The following C2CD4D variants were observed in gnomAD, a reference collection of about 807,000 sequenced individuals.
C2CD4D encodes C2 calcium dependent domain containing 4D.
C2CD4D carries 1 observed loss-of-function variant against 0.2 expected under a neutral mutation model. That is an observed-to-expected ratio of 4.00 (90% CI 1.42 to 18.99). The LOEUF (loss-of-function observed/expected upper bound fraction) is 18.99, where lower values mean the gene tolerates loss of function less well. Among genes scored for constraint, C2CD4D ranks in the 30% most tolerant of loss-of-function variants. The pLI, the probability that C2CD4D is intolerant of heterozygous loss-of-function variation, is 0.11. For synonymous variants in C2CD4D, 269 were observed against 279.8 expected, an observed-to-expected ratio of 0.96 and a Z score of 0.39; for missense variants, 552 against 551.2, an observed-to-expected ratio of 1.00 and a Z score of -0.01.
At chr1:151,838,298 G>T (rs1173231176) in exon 2 of C2CD4D, 4 of 1,381,392 alleles carry the variant, frequency 2.9e-6, no homozygotes, top group Non-Finnish European at 2.8e-6. Flanking sequence ...CAGCCGCCCG[G>T]GCCCGGCCTG....
chr1:151,838,096 C>T lies in C2CD4D; in HGVS notation c.894G>A (p.Pro298=), dbSNP rs925919228. 2.6e-6 allele frequency: 4 copies of T among 1,545,472 alleles called. No individual in the cohort carries two copies. The African/African-American group carries it at 4.1e-5, about 16-fold the overall frequency. Residue 298 remains proline, a synonymous_variant, in exon 2 of 2, where the codon CCG becomes CCA. Coordinates refer to ENST00000454109, the Ensembl canonical transcript of C2CD4D. ...CTCTCAGGCTGCGGGCGGCCAGGTC[C>T]GGGGGGCCGAGCCCGTCGAAAAAGA...
Position 151,838,647 on chromosome 1 carries a change from C to G in C2CD4D, c.343G>C (p.Ala115Pro), listed in dbSNP as rs1326338451. Residue 115 changes from alanine to proline, a missense_variant, in exon 2 of 2, where the codon GCC becomes CCC. Coordinates refer to ENST00000454109, the Ensembl canonical transcript of C2CD4D. ...GACTGCGCCGCGGGGAGTCCCCCGG[C>G]CGGGGCAGGTGGCGGCCCGTGGAAC... 3 of 1,342,834 alleles carry G rather than the reference C, an allele frequency of 2.2e-6. No individual in the cohort carries two copies. The African/African-American group carries it at 4.6e-5, about 21-fold the overall frequency. The allele number at this position is 1,342,834 out of a possible 1,614,324, so 83.2% of individuals were successfully genotyped here. A position where few individuals can be genotyped will look rare whatever the true frequency, so the allele number is the denominator to read the frequency against.
exon 2 of C2CD4D, chr1:151,838,636 G>A (rs1320374587): frequency 4.5e-6 from 6 of 1,324,112 alleles, no homozygotes; most frequent in Middle Eastern, 2.8e-4. Flanking sequence ...GCGCCGCGGG[G>A]AGTCCCCCGG....
exon 2 of C2CD4D, chr1:151,838,177 C>T (rs1652634825): frequency 6.5e-7 from 1 of 1,550,354 alleles, no homozygotes; most frequent in Non-Finnish European, 8.7e-7. Context: ...TCTGCTGCTC[C>T]CGCGGCCGGA....
At chr1:151,838,196 C>A (rs781075606) in exon 2 of C2CD4D, 1 of 1,549,446 alleles carries the variant, frequency 6.5e-7, no homozygotes, top group South Asian at 1.2e-5. Context: ...GACGCGGGGC[C>A]GCAGCCTCAG....
At chr1:151,838,469 G>A (rs1572054410) in exon 2 of C2CD4D, 9 of 1,395,864 alleles carry the variant, frequency 6.4e-6, no homozygotes, top group Admixed American at 3.3e-5. Context: ...GGCCGAGCTC[G>A]CTTTTTCTGG....
At chr1:151,838,044 G>A (rs1652629639) in exon 2 of C2CD4D, 1 of 1,551,496 alleles carries the variant, frequency 6.4e-7, no homozygotes, top group East Asian at 2.4e-5. Context: ...TCCCTGCGAA[G>A]TCCCGCGCCC....
At chr1:151,838,926 G>T in exon 2 of C2CD4D, 1 of 1,549,998 alleles carries the variant, frequency 6.5e-7, no homozygotes, top group Non-Finnish European at 8.7e-7. Flanking sequence ...AGGCCGGAAG[G>T]CGCCCAACGG....
At chr1:151,838,951 G>A (rs1171142211) in exon 2 of C2CD4D, 5 of 1,550,174 alleles carry the variant, frequency 3.2e-6, no homozygotes, top group Non-Finnish European at 4.4e-6. Flanking sequence ...CAGGCTCCGC[G>A]GCCCCCACCT....
exon 2 of C2CD4D, chr1:151,838,338 C>A: frequency 7.1e-7 from 1 of 1,416,140 alleles, no homozygotes. Context: ...AGCTGCCCGC[C>A]GCGGGGCCCC....
intron 1 of C2CD4D, among the ~76,000 whole-genome samples, 124 bp downstream of exon 1, chr1:151,839,540 C>T (rs1652717497): frequency 6.6e-6 from 1 of 152,164 alleles, no homozygotes; most frequent in Admixed American, 6.5e-5. Flanking sequence ...GGACTTCCTC[C>T]CTTTGCCAGG....
chr1:151,838,433 C>T (rs1232380770), exon 2 of C2CD4D: 2 of 1,420,208 alleles, frequency 1.4e-6, no homozygotes, highest in East Asian at 3.1e-5. Flanking sequence ...CGGCCCGGCG[C>T]GGCGCGGCGA....
exon 2 of C2CD4D, chr1:151,839,159 AC>A: frequency 1.5e-6 from 1 of 662,900 alleles, no homozygotes; most frequent in Non-Finnish European, 2.5e-6. Flanking sequence ...CGGTCTCCGG[AC>A]CCACTGGGAG....
intron 1 of C2CD4D, among the ~76,000 whole-genome samples, chr1:151,839,685 G>C (rs1054202795): frequency 6.6e-6 from 1 of 152,072 alleles, no homozygotes; most frequent in African/African-American, 2.4e-5. Context: ...GCAGCCAGGG[G>C]ACACACCTGG....
At chr1:151,838,541 G>A (rs938762232) in exon 2 of C2CD4D, 3 of 1,332,352 alleles carry the variant, frequency 2.3e-6, no homozygotes, top group Admixed American at 3.9e-5. Flanking sequence ...GGAGCCGAAG[G>A]GCGACGAGTC....
chr1:151,839,666 C>A lies in C2CD4D; in HGVS notation c.-231-446G>T, dbSNP rs146396509. 9.5e-3 allele frequency among the ~76,000 whole-genome samples: 1,445 copies of A among 152,290 alleles called. 7 individuals carry two copies. Among genetic ancestry groups the A allele is most frequent in the Non-Finnish European group, 0.015 (1,009 of 68,016 alleles). On this transcript the variant is annotated intron_variant, in intron 1 of 1. Coordinates refer to ENST00000454109, the Ensembl canonical transcript of C2CD4D. ...CTCCAAGCCAGAAGAGGACTCACTT[C>A]TGCTCCTGGCAGCCAGGGGACACAC...
At chr1:151,838,018 C>T (rs1250140999) in exon 2 of C2CD4D, 2 of 1,551,426 alleles carry the variant, frequency 1.3e-6, no homozygotes, top group Non-Finnish European at 1.7e-6. Context: ...GCGTCTCGCA[C>T]TCCCCCAGCA....
chr1:151,838,740 G>A, exon 2 of C2CD4D: 2 of 1,333,804 alleles, frequency 1.5e-6, no homozygotes, highest in East Asian at 3.1e-5. Flanking sequence ...CCCGCCAGGT[G>A]AGGCAGCGAG....
At chr1:151,837,991 C>A in exon 2 of C2CD4D, 1 of 1,550,276 alleles carries the variant, frequency 6.5e-7, no homozygotes, top group South Asian at 1.2e-5. Flanking sequence ...CCAGCGGGGG[C>A]AGCAGCGCAA....
Sources: gnomAD v4.1 joint callset for allele counts (sites outside exome capture counted in the v4.1 genomes callset) on GRCh38, gnomAD v4.1.1 for gene constraint, MANE v1.5 for transcripts, NCBI Gene and HGNC (gene_info 2026-07-23, HGNC 2026-07-21) for gene names.